Variants in NRF1 observed in about 807,000 individuals in gnomAD.
NRF1 encodes the protein nuclear respiratory factor 1, also known as alpha palindromic-binding protein.
NRF1 carries 5 observed loss-of-function variants against 58.5 expected under a neutral mutation model. That is an observed-to-expected ratio of 0.09 (90% confidence interval 0.04 to 0.18). NRF1 has a LOEUF of 0.18. NRF1 is among the 10% of genes least tolerant of loss of function. The pLI, the probability that NRF1 is intolerant of heterozygous loss-of-function variation, is 1.00. For synonymous variants in NRF1, 224 were observed against 246.7 expected (o/e 0.91, Z 0.86); for missense variants, 288 against 657.7 (o/e 0.44, Z 6.15).
At chr7:129,707,045 G>T (rs1326483018) in intron 5 of NRF1, among the ~76,000 whole-genome samples, 1 of 152,164 alleles carries the variant, frequency 6.6e-6, no homozygotes, top group Non-Finnish European at 1.5e-5. Flanking sequence ...CCAGGCTGGA[G>T]TGAAGTGGCA....
chr7:129,650,969 A>G (rs766749111), intron 1 of NRF1, among the ~76,000 whole-genome samples: 1 of 152,176 alleles, frequency 6.6e-6, no homozygotes, highest in African/African-American at 2.4e-5. Flanking sequence ...ATGTCCAGCA[A>G]TATGTCATAT....
intron 1 of NRF1, among the ~76,000 whole-genome samples, chr7:129,621,169 G>C (rs1224070670): frequency 6.6e-6 from 1 of 152,162 alleles, no homozygotes; most frequent in Admixed American, 6.5e-5. Flanking sequence ...TTTGAAATTA[G>C]ATTAGGAGGC....
At chr7:129,745,506 A>ACCCCCCCCCCCCCCCCCC (rs35406699) in intron 10 of NRF1, among the ~76,000 whole-genome samples, 2 of 112,584 alleles carry the variant, frequency 1.8e-5, no homozygotes, top group African/African-American at 3.4e-5. Context: ...ATCCCCCTCA[A>ACCCCCCCCCCCCCCCCCC]CCCCCCCCCC....
chr7:129,633,964 A>C (rs933518710), intron 1 of NRF1, among the ~76,000 whole-genome samples: 1 of 150,466 alleles, frequency 6.6e-6, no homozygotes, highest in Non-Finnish European at 1.5e-5. Flanking sequence ...ACCATGCCTG[A>C]AAATCCCTGT....
intron 1 of NRF1, among the ~76,000 whole-genome samples, chr7:129,639,340 G>A (rs1801238631): frequency 6.6e-6 from 1 of 152,016 alleles, no homozygotes; most frequent in Admixed American, 6.6e-5. Flanking sequence ...ATATATACTT[G>A]ATTTCCAGTA....
intron 1 of NRF1, among the ~76,000 whole-genome samples, chr7:129,655,851 A>G (rs1019118470): frequency 6.6e-6 from 1 of 152,144 alleles, no homozygotes; most frequent in Non-Finnish European, 1.5e-5. Context: ...GAAAGCTTCT[A>G]GTTTTTCACA....
intron 5 of NRF1, among the ~76,000 whole-genome samples, chr7:129,690,968 G>A (rs753226660): frequency 2.0e-4 from 30 of 152,138 alleles, no homozygotes; most frequent in Non-Finnish European, 3.8e-4. Flanking sequence ...TTATTACTAA[G>A]TACAGCTTCC....
intron 5 of NRF1, among the ~76,000 whole-genome samples, chr7:129,693,210 T>A (rs547029643): frequency 2.0e-5 from 3 of 152,200 alleles, no homozygotes; most frequent in Non-Finnish European, 4.4e-5. Context: ...GGATCGCAAG[T>A]CCCCTGGGCA....
intron 1 of NRF1, among the ~76,000 whole-genome samples, chr7:129,638,988 G>T (rs1405026430): frequency 6.6e-6 from 1 of 151,954 alleles, no homozygotes; most frequent in Non-Finnish European, 1.5e-5. Flanking sequence ...CTCTAATTTT[G>T]ATTATATGGC....
chr7:129,746,477 T>G (rs778399920), intron 10 of NRF1, among the ~76,000 whole-genome samples: 2 of 152,218 alleles, frequency 1.3e-5, no homozygotes, highest in Non-Finnish European at 2.9e-5. Flanking sequence ...GCACATACCA[T>G]GCCTGTTTTT....
intron 5 of NRF1, among the ~76,000 whole-genome samples, chr7:129,694,301 ATTG>A (rs1462394210): frequency 6.6e-6 from 1 of 151,976 alleles, no homozygotes; most frequent in African/African-American, 2.4e-5. Context: ...TCAACGTTTT[ATTG>A]TTGTTTGTTT....
intron 9 of NRF1, among the ~76,000 whole-genome samples, chr7:129,725,878 A>G (rs1803441946): frequency 6.6e-6 from 1 of 152,202 alleles, no homozygotes; most frequent in South Asian, 2.1e-4. Flanking sequence ...CTGCTTCCTA[A>G]AATCCTTACA....
chr7:129,644,864 A>G (rs1256976058), intron 1 of NRF1, among the ~76,000 whole-genome samples: 1 of 152,188 alleles, frequency 6.6e-6, no homozygotes, highest in Non-Finnish European at 1.5e-5. Context: ...TAATTTGAAT[A>G]GAAGAAGATT....
At chr7:129,663,662 G>T (rs1267292604) in intron 2 of NRF1, among the ~76,000 whole-genome samples, 54 of 148,752 alleles carry the variant, frequency 3.6e-4, no homozygotes, top group African/African-American at 1.3e-3. Context: ...CGGGCAGAGG[G>T]GCTCCTCACA....
At chr7:129,619,675 A>T (rs1800748020) in intron 1 of NRF1, among the ~76,000 whole-genome samples, 1 of 148,260 alleles carries the variant, frequency 6.7e-6, no homozygotes, top group Non-Finnish European at 1.5e-5. Flanking sequence ...TGCAGCTTAA[A>T]TGCTTTGGGA....
intron 5 of NRF1, among the ~76,000 whole-genome samples, chr7:129,697,270 G>A (rs1425890221): frequency 2.6e-5 from 4 of 151,688 alleles, no homozygotes; most frequent in Admixed American, 2.0e-4. Flanking sequence ...ATAGCCGGGC[G>A]CGGTGGCTCA....
chr7:129,723,459 AT>A (rs929044467), intron 9 of NRF1, among the ~76,000 whole-genome samples: 4 of 150,034 alleles, frequency 2.7e-5, no homozygotes, highest in African/African-American at 9.7e-5. Context: ...AAAAAAAAAA[AT>A]TTTTTTCCCA....
chr7:129,666,216 T>C (rs1008213756), intron 2 of NRF1, among the ~76,000 whole-genome samples: 1 of 152,244 alleles, frequency 6.6e-6, no homozygotes, highest in Non-Finnish European at 1.5e-5. Context: ...AGTACAGATA[T>C]GGTTGAAATT....
chr7:129,612,369 G>A (rs1274736166), intron 1 of NRF1, among the ~76,000 whole-genome samples: 1 of 152,104 alleles, frequency 6.6e-6, no homozygotes, highest in Non-Finnish European at 1.5e-5. Flanking sequence ...GGGAGAGGAG[G>A]CTGGCTCTTT....
Sources: gnomAD v4.1 joint callset for allele counts (sites outside exome capture counted in the v4.1 genomes callset) on GRCh38, gnomAD v4.1.1 for gene constraint, MANE v1.5 for transcripts, NCBI Gene and HGNC (gene_info 2026-07-23, HGNC 2026-07-21) for gene names.